KCNK13: variants seen among roughly 807,000 people sequenced by gnomAD.
The protein encoded by KCNK13 is potassium channel subfamily K member 13.
In KCNK13, 12 loss-of-function variants were observed where a neutral mutation model predicts 23.4. The observed-to-expected ratio is 0.51, with a 90% CI of 0.33 to 0.83. The LOEUF is 0.83. Among genes scored for constraint, KCNK13 ranks in the 40% least tolerant of loss-of-function variants. KCNK13 has a pLI of 0.02. For synonymous variants in KCNK13, 231 were observed against 229.5 expected (o/e 1.01, Z -0.06); for missense variants, 463 against 556.3 (o/e 0.83, Z 1.69).
At chr14:90,168,425 C>G (rs1467205956) in intron 1 of KCNK13, among the ~76,000 whole-genome samples, 1 of 151,920 alleles carries the variant, frequency 6.6e-6, no homozygotes, top group African/African-American at 2.4e-5. Flanking sequence ...ATATTGTTAT[C>G]CTTTGCTGGG....
chr14:90,141,859 T>C (rs530581346), intron 1 of KCNK13, among the ~76,000 whole-genome samples: 4 of 150,666 alleles, frequency 2.7e-5, no homozygotes, highest in Admixed American at 6.7e-5. Flanking sequence ...TTTGGCTCAC[T>C]GCAAGCTCCG....
At chr14:90,170,476 C>G (rs1365087104) in intron 1 of KCNK13, among the ~76,000 whole-genome samples, 1 of 152,146 alleles carries the variant, frequency 6.6e-6, no homozygotes, top group Non-Finnish European at 1.5e-5. Flanking sequence ...AGCCTCCCGA[C>G]GTGCTGGGAT....
At chr14:90,157,122 G>A (rs951872902) in intron 1 of KCNK13, among the ~76,000 whole-genome samples, 1 of 152,108 alleles carries the variant, frequency 6.6e-6, no homozygotes, top group Non-Finnish European at 1.5e-5. Flanking sequence ...TTGATGTACT[G>A]CAAGAATCTG....
At chr14:90,105,663 T>C (rs75865243) in intron 1 of KCNK13, among the ~76,000 whole-genome samples, 3 of 152,090 alleles carry the variant, frequency 2.0e-5, no homozygotes, top group East Asian at 3.9e-4. Flanking sequence ...TTTTTTTTTT[T>C]CCTTTTGGCC....
intron 1 of KCNK13, among the ~76,000 whole-genome samples, chr14:90,124,092 T>A (rs185292853): frequency 1.3e-5 from 2 of 152,376 alleles, no homozygotes. Context: ...ACTGTCATGC[T>A]TTCTGCCCAG....
At chr14:90,153,582 T>C (rs1362223829) in intron 1 of KCNK13, among the ~76,000 whole-genome samples, 1 of 152,238 alleles carries the variant, frequency 6.6e-6, no homozygotes, top group Non-Finnish European at 1.5e-5. Context: ...TGTGTTTACT[T>C]TTTTGTCATG....
At chr14:90,084,574 T>A (rs576483789) in intron 1 of KCNK13, among the ~76,000 whole-genome samples, 1 of 152,248 alleles carries the variant, frequency 6.6e-6, no homozygotes, top group African/African-American at 2.4e-5. Context: ...ATATGTCACC[T>A]GTGTGTCCAG....
At chr14:90,135,244 T>C (rs1889921864) in intron 1 of KCNK13, among the ~76,000 whole-genome samples, 1 of 152,188 alleles carries the variant, frequency 6.6e-6, no homozygotes, top group African/African-American at 2.4e-5. Flanking sequence ...AAACTCTTTA[T>C]GTGCTTGATG....
intron 1 of KCNK13, among the ~76,000 whole-genome samples, chr14:90,065,493 C>T (rs114012110): frequency 6.6e-6 from 1 of 151,992 alleles, no homozygotes; most frequent in Non-Finnish European, 1.5e-5. Flanking sequence ...GAAAGTGAAT[C>T]GAGGAAGGAA....
intron 1 of KCNK13, among the ~76,000 whole-genome samples, chr14:90,149,299 T>A (rs962353639): frequency 2.0e-5 from 3 of 152,068 alleles, no homozygotes; most frequent in Non-Finnish European, 4.4e-5. Flanking sequence ...GAGGTTGCAG[T>A]AAGCTGAGAT....
At chr14:90,111,025 A>C (rs80148609) in intron 1 of KCNK13, among the ~76,000 whole-genome samples, 2,533 of 151,550 alleles carry the variant, frequency 0.017, 68 homozygotes, top group African/African-American at 0.058. Flanking sequence ...AAAAAAAAAA[A>C]ATCCCTGAAT....
chr14:90,118,412 T>C (rs912241862), intron 1 of KCNK13, among the ~76,000 whole-genome samples: 19 of 152,204 alleles, frequency 1.2e-4, no homozygotes, highest in African/African-American at 4.3e-4. Flanking sequence ...TTTTTCACAG[T>C]GCATACCCAA....
chr14:90,069,619 A>G (rs1005269357), intron 1 of KCNK13, among the ~76,000 whole-genome samples: 2 of 152,104 alleles, frequency 1.3e-5, no homozygotes, highest in African/African-American at 2.4e-5. Context: ...ATTGAAAGTC[A>G]CTATTTTACA....
intron 1 of KCNK13, among the ~76,000 whole-genome samples, chr14:90,140,651 AC>A (rs2140427753): frequency 6.6e-6 from 1 of 152,232 alleles, no homozygotes; most frequent in East Asian, 1.9e-4. Flanking sequence ...ATCCTGCTGT[AC>A]CCTCCGAATT....
intron 1 of KCNK13, among the ~76,000 whole-genome samples, chr14:90,183,224 C>A (rs1667447903): frequency 6.6e-6 from 1 of 152,178 alleles, no homozygotes; most frequent in South Asian, 2.1e-4. Flanking sequence ...TATAGTTTAT[C>A]AATGTATAGC....
chr14:90,100,730 C>T (rs754008508), intron 1 of KCNK13, among the ~76,000 whole-genome samples: 9 of 152,242 alleles, frequency 5.9e-5, no homozygotes, highest in Middle Eastern at 3.4e-3. Flanking sequence ...CTTGCTTTGT[C>T]GCGCAGGCTG....
intron 1 of KCNK13, among the ~76,000 whole-genome samples, chr14:90,136,736 C>T (rs1013598759): frequency 6.6e-6 from 1 of 152,052 alleles, no homozygotes; most frequent in Non-Finnish European, 1.5e-5. Context: ...AATGAAGCTC[C>T]AGGACCCAGG....
chr14:90,181,056 C>G (rs58701221), intron 1 of KCNK13, among the ~76,000 whole-genome samples: 38,077 of 152,112 alleles, frequency 0.25, 6,180 homozygotes, highest in East Asian at 0.65. Context: ...AGGGTTTCAC[C>G]AGGTTGGCCA....
chr14:90,169,037 A>G (rs1224166783), intron 1 of KCNK13, among the ~76,000 whole-genome samples: 1 of 152,220 alleles, frequency 6.6e-6, no homozygotes, highest in Non-Finnish European at 1.5e-5. Context: ...AGTCAATTAA[A>G]TTTCTTTCCT....
Sources: gnomAD v4.1 joint callset for allele counts (sites outside exome capture counted in the v4.1 genomes callset) on GRCh38, gnomAD v4.1.1 for gene constraint, MANE v1.5 for transcripts, NCBI Gene and HGNC (gene_info 2026-07-23, HGNC 2026-07-21) for gene names.